TRIO: variants seen among roughly 807,000 people sequenced by gnomAD.
TRIO encodes trio Rho guanine nucleotide exchange factor.
A neutral mutation model predicts 351.9 loss-of-function variants in TRIO; 58 were observed. That is an observed-to-expected ratio of 0.16 (90% CI 0.13 to 0.21). The LOEUF (loss-of-function observed/expected upper bound fraction) is 0.21. Among genes scored for constraint, TRIO ranks in the 10% least tolerant of loss-of-function variants. The probability of loss-of-function intolerance (pLI) is 1.00; values close to 1 mark genes in which losing one functional copy is unlikely to be tolerated. For synonymous variants in TRIO, 1,758 were observed against 1,595.7 expected, an observed-to-expected ratio of 1.10 and a Z score of -2.42; for missense variants, 3,201 against 4,027.8, an observed-to-expected ratio of 0.79 and a Z score of 5.56.
intron 34 of TRIO, among the ~76,000 whole-genome samples, chr5:14,453,571 T>A (rs1458577973): frequency 6.6e-6 from 1 of 152,260 alleles, no homozygotes; most frequent in African/African-American, 2.4e-5. Flanking sequence ...GAAGTTTGTT[T>A]GTTCCCATTA....
intron 1 of TRIO, among the ~76,000 whole-genome samples, chr5:14,164,792 A>G (rs1213461243): frequency 6.6e-6 from 1 of 152,202 alleles, no homozygotes; most frequent in Non-Finnish European, 1.5e-5. Context: ...TGCCAGAGGG[A>G]TTTCATCATT....
intron 39 of TRIO, 30 bp downstream of exon 39, chr5:14,472,688 G>A (rs376888872): frequency 2.1e-5 from 34 of 1,610,950 alleles, no homozygotes; most frequent in East Asian, 6.7e-5. Flanking sequence ...TAGTATCTTC[G>A]TATCAGTTCC....
chr5:14,468,030 T>C (rs528460484), intron 37 of TRIO, among the ~76,000 whole-genome samples: 6 of 152,198 alleles, frequency 3.9e-5, no homozygotes, highest in Non-Finnish European at 5.9e-5. Context: ...ATAGCCGAAA[T>C]GGTTTCCCAG....
At chr5:14,359,570 G>A (rs1183021610) in intron 13 of TRIO, 39 bp downstream of exon 13, 5 of 1,603,220 alleles carry the variant, frequency 3.1e-6, no homozygotes, top group South Asian at 1.1e-5. Context: ...GCCTGTGGGA[G>A]CCCTTGGCTT....
intron 6 of TRIO, among the ~76,000 whole-genome samples, chr5:14,294,654 A>G (rs912346257): frequency 9.2e-5 from 14 of 152,180 alleles, no homozygotes; most frequent in Admixed American, 5.2e-4. Flanking sequence ...TGGGTTGTGG[A>G]CGTAGAGGCT....
intron 35 of TRIO, among the ~76,000 whole-genome samples, chr5:14,462,377 T>C (rs148042378): frequency 6.6e-6 from 1 of 152,344 alleles, no homozygotes; most frequent in East Asian, 1.9e-4. Context: ...TCAGTGAACT[T>C]TTCTATAGCA....
At position 14,507,169 on chromosome 5, in the gene TRIO, T is replaced by C; in HGVS notation, c.8660T>C (p.Leu2887Pro). The C allele has an allele frequency of 1.2e-6, 2 of 1,612,308 alleles. No homozygotes were observed. Among genetic ancestry groups the C allele is most frequent in the African/African-American group, 2.7e-5 (2 of 74,974 alleles). Reference protein sequence around the residue: ...LLDCVVRWGSLTEGKIRAHLG... With the variant: ...LLDCVVRWGSPTEGKIRAHLG... Reference sequence around the variant, plus strand: ...GACTGCGTGGTGCGATGGGGAAGCCTCACTGAAGGGAAGATCAGGGCGCAC... The same window carrying C: ...GACTGCGTGGTGCGATGGGGAAGCCCCACTGAAGGGAAGATCAGGGCGCAC... Residue 2887 changes from leucine (L) to proline (P), a missense_variant, in exon 56 of 57, where the codon CTC (leucine) becomes CCC (proline). By Grantham distance (98) the Leu-to-Pro change is moderately conservative (BLOSUM62 -3). This residue lies in a region of TRIO where 233 missense variants were observed against 292.6 expected (regional missense o/e 0.80). Coordinates refer to ENST00000344204, the MANE Select transcript of TRIO (RefSeq NM_007118.4).
chr5:14,383,713 T>A (rs1449387079), intron 21 of TRIO, among the ~76,000 whole-genome samples: 1 of 152,210 alleles, frequency 6.6e-6, no homozygotes, highest in Non-Finnish European at 1.5e-5. Flanking sequence ...TTCCTTTTCT[T>A]AGCAATCTTT....
In TRIO at chr5:14,238,473, ATGTGGGCCCTCCTGGGTCCC is replaced by A. The variant is rs537235889; in HGVS notation, c.158-32342_158-32323del. On this transcript the variant is annotated intron_variant, in intron 1 of 56. Coordinates refer to ENST00000344204, the MANE Select transcript of TRIO (RefSeq NM_007118.4). ...GCAGCCTCCAGGGCTCCACCAGCCC[ATGTGGGCCCTCCTGGGTCCC>A]TGTGGGCCCCGTGCACCACCTGTCA... Among the ~76,000 whole-genome samples, 23 of 152,304 alleles carry A rather than the reference ATGTGGGCCCTCCTGGGTCCC, an allele frequency of 1.5e-4. No homozygotes were observed. In the East Asian group the frequency reaches 3.7e-3, roughly 24 times the overall value.
chr5:14,209,456 A>G (rs1791748941), intron 1 of TRIO, among the ~76,000 whole-genome samples: 1 of 152,224 alleles, frequency 6.6e-6, no homozygotes, highest in Non-Finnish European at 1.5e-5. Context: ...ACTTTGAGGC[A>G]AGTCCCAGTT....
chr5:14,289,855 AAATAAT>A (rs910979586), intron 4 of TRIO, among the ~76,000 whole-genome samples: 1 of 152,062 alleles, frequency 6.6e-6, no homozygotes, highest in Admixed American at 6.5e-5. Flanking sequence ...TCTCAAAAAA[AAATAAT>A]AATAATAAAT....
intron 38 of TRIO, 83 bp from the exon 39 acceptor site, chr5:14,472,508 GA>G (rs1244538872): frequency 7.2e-7 from 1 of 1,397,756 alleles, no homozygotes; most frequent in Non-Finnish European, 1.0e-6. Flanking sequence ...GTCCTGGAAG[GA>G]GTCCATCTTG....
chr5:14,161,488 G>A (rs1443488406), intron 1 of TRIO, among the ~76,000 whole-genome samples: 3 of 152,076 alleles, frequency 2.0e-5, no homozygotes, highest in East Asian at 1.9e-4. Flanking sequence ...GGTTCCTTTG[G>A]GTTATAATTG....
intron 34 of TRIO, among the ~76,000 whole-genome samples, chr5:14,453,294 C>T (rs1752983312): frequency 6.6e-6 from 1 of 152,126 alleles, no homozygotes; most frequent in South Asian, 2.1e-4. Context: ...ATCTTGTGCT[C>T]AAGTTTACTT....
intron 1 of TRIO, among the ~76,000 whole-genome samples, chr5:14,206,575 G>A (rs892626438): frequency 3.3e-5 from 5 of 152,138 alleles, no homozygotes; most frequent in Non-Finnish European, 5.9e-5. Flanking sequence ...CTCAGGTCCC[G>A]CTGCCCTTCT....
At chr5:14,294,748 TG>T (rs1183038362) in intron 6 of TRIO, among the ~76,000 whole-genome samples, 2 of 152,168 alleles carry the variant, frequency 1.3e-5, no homozygotes, top group African/African-American at 2.4e-5. Context: ...ATCTGTAAAC[TG>T]GGGGTAATAC....
At chr5:14,272,842 G>C (rs1581498745) in intron 2 of TRIO, among the ~76,000 whole-genome samples, 1 of 152,208 alleles carries the variant, frequency 6.6e-6, no homozygotes, top group Admixed American at 6.5e-5. Flanking sequence ...ATAAAATTAA[G>C]TAGAAATTGA....
intron 10 of TRIO, among the ~76,000 whole-genome samples, chr5:14,336,267 G>A (rs1741404892): frequency 6.6e-6 from 1 of 152,216 alleles, no homozygotes; most frequent in African/African-American, 2.4e-5. Flanking sequence ...TCACAAGACA[G>A]CCAGCAATTG....
chr5:14,493,040 A>G (rs533731167), intron 49 of TRIO, among the ~76,000 whole-genome samples: 4 of 152,348 alleles, frequency 2.6e-5, no homozygotes, highest in Non-Finnish European at 4.4e-5. Flanking sequence ...AGTCTGTTCT[A>G]GCACATTGTT....
Sources: allele counts gnomAD v4.1 joint callset (sites outside exome capture counted in the v4.1 genomes callset), GRCh38; gene constraint gnomAD v4.1.1; regional missense constraint gnomAD v4.1.1; transcripts MANE v1.5; gene names NCBI Gene and HGNC (gene_info 2026-07-23, HGNC 2026-07-21).